Variants in HSPG2 observed in about 807,000 individuals in gnomAD.
HSPG2 encodes basement membrane-specific heparan sulfate proteoglycan core protein.
Under a neutral mutation model 526.6 loss-of-function variants are expected in HSPG2, and 278 were observed. That is an observed-to-expected ratio of 0.53 (90% CI 0.48 to 0.58). HSPG2 has a LOEUF of 0.58. HSPG2 is among the 20% of genes least tolerant of loss of function. The probability of loss-of-function intolerance (pLI) is 0.00; values close to 1 mark genes in which losing one functional copy is unlikely to be tolerated. For synonymous variants in HSPG2, 2,465 were observed against 2,555.4 expected (o/e 0.96, Z 1.07); for missense variants, 5,354 against 6,099.5 (o/e 0.88, Z 4.07).
In HSPG2 at chr1:21,843,379, C is replaced by T. The variant is rs556035566; in HGVS notation, c.8676G>A (p.Ser2892=). 1.1e-5 allele frequency: 18 copies of T among 1,613,998 alleles called. No individual in the cohort carries two copies. Among genetic ancestry groups the T allele is most frequent in the African/African-American group, 9.3e-5 (7 of 75,044 alleles). ...QVSPADSGEY[S]CQVTGSSGTL... Reference sequence around the variant, plus strand: ...TGCCTGAGCTTCCGGTCACTTGGCACGAGTACTCGCCAGAGTCAGCCGGGG... The same window carrying T: ...TGCCTGAGCTTCCGGTCACTTGGCATGAGTACTCGCCAGAGTCAGCCGGGG... Residue 2892 remains serine, a synonymous_variant, in exon 66 of 97, where the codon TCG becomes TCA. Coordinates refer to ENST00000374695, the MANE Select transcript of HSPG2 (RefSeq NM_005529.7).
At chr1:21,932,852 T>C (rs1265075059) in intron 1 of HSPG2, among the ~76,000 whole-genome samples, 1 of 150,684 alleles carries the variant, frequency 6.6e-6, no homozygotes, top group Admixed American at 6.6e-5. Context: ...ATAGCTTGAG[T>C]TAAAGAGTTT....
At chr1:21,911,661 G>A (rs1175342850) in intron 1 of HSPG2, among the ~76,000 whole-genome samples, 1 of 152,296 alleles carries the variant, frequency 6.6e-6, no homozygotes, top group South Asian at 2.1e-4. Context: ...CCTGCTCCAG[G>A]GCCCCCGTGG....
rs1640144051 is a variant in HSPG2 at position 21,865,366 on chromosome 1, C to T, written c.4315-1G>A. On this transcript the variant is annotated splice_acceptor_variant, in intron 34 of 96. Coordinates refer to ENST00000374695, the MANE Select transcript of HSPG2 (RefSeq NM_005529.7). LOFTEE classifies it high-confidence loss of function. The surrounding 1 kb of genome is among the most constrained non-coding windows in gnomAD (Gnocchi z 5.4). Reference sequence around the variant, plus strand: ...AGGCCACTAGCATGATGTTGTTGCCCTGGAAAGACACCAGCAGGATTGGAA... The same window carrying T: ...AGGCCACTAGCATGATGTTGTTGCCTTGGAAAGACACCAGCAGGATTGGAA... 1 of 1,613,896 alleles carries T rather than the reference C, an allele frequency of 6.2e-7. No homozygotes were observed. The highest frequency in any genetic ancestry group is 1.1e-5 in the South Asian group (1 of 91,092).
chr1:21,881,720 A>C (rs1488805331), intron 13 of HSPG2, among the ~76,000 whole-genome samples: 4 of 152,126 alleles, frequency 2.6e-5, no homozygotes, highest in Non-Finnish European at 1.5e-5. Context: ...AGGCGGGCAG[A>C]TCACTTGAGG....
chr1:21,923,821 G>A (rs543388363), intron 1 of HSPG2, among the ~76,000 whole-genome samples: 1 of 152,214 alleles, frequency 6.6e-6, no homozygotes, highest in East Asian at 1.9e-4. Flanking sequence ...ACAAGGCCTC[G>A]CATACCGCTG....
chr1:21,854,385 G>C, intron 49 of HSPG2, 42 bp from the exon 50 acceptor site: 1 of 1,552,082 alleles, frequency 6.4e-7, no homozygotes, highest in South Asian at 1.2e-5. Flanking sequence ...ACAGGGACGG[G>C]GGCTATTGTC....
chr1:21,835,445 G>A (rs2098022613), intron 76 of HSPG2, 95 bp downstream of exon 76: 1 of 819,538 alleles, frequency 1.2e-6, no homozygotes, highest in Non-Finnish European at 2.1e-6. Context: ...CACATTTAGG[G>A]GGATTCCTAG....
At chr1:21,917,181 T>TGTCTC (rs1188917678) in intron 1 of HSPG2, among the ~76,000 whole-genome samples, 1 of 151,994 alleles carries the variant, frequency 6.6e-6, no homozygotes, top group Non-Finnish European at 1.5e-5. Context: ...CCTGTAATCC[T>TGTCTC]AGCTCTTCGG....
At chr1:21,920,440 C>T (rs971125620) in intron 1 of HSPG2, among the ~76,000 whole-genome samples, 1 of 152,240 alleles carries the variant, frequency 6.6e-6, no homozygotes. Flanking sequence ...CTTGCTGGGT[C>T]AGCCAGGCCT....
Position 21,850,179 on chromosome 1 carries a change from G to C in HSPG2, c.7308C>G (p.Thr2436=). The C allele has an allele frequency of 1.9e-6, 3 of 1,613,398 alleles. No individual in the cohort carries two copies. Among genetic ancestry groups the C allele is most frequent in the Non-Finnish European group, 2.5e-6 (3 of 1,180,046 alleles). ...PAGSVPALGV[T]PTVRIESSSS... Reference sequence around the variant, plus strand: ...ACGATGACTCGATCCGGACCGTGGGGGTGACCCCAAGTGCTGGGGACAGAG... The same window carrying C: ...ACGATGACTCGATCCGGACCGTGGGCGTGACCCCAAGTGCTGGGGACAGAG... The change falls in exon 57 of 97, where the codon ACC becomes ACG. Residue 2436 remains threonine, a synonymous_variant. Coordinates refer to ENST00000374695, the MANE Select transcript of HSPG2 (RefSeq NM_005529.7).
At chr1:21,856,869 T>C in intron 44 of HSPG2, 146 bp downstream of exon 44, 1 of 845,018 alleles carries the variant, frequency 1.2e-6, no homozygotes. Context: ...CATGCTTCTC[T>C]CCCCTGCTTC....
At chr1:21,873,735 G>C (rs1640833157) in intron 29 of HSPG2, among the ~76,000 whole-genome samples, 190 bp downstream of exon 29, 1 of 152,198 alleles carries the variant, frequency 6.6e-6, no homozygotes, top group South Asian at 2.1e-4. Context: ...ATGTGTGTCT[G>C]AGGGTCTTGA....
chr1:21,861,665 AGAGACTTTTCT>A (rs1639798152), intron 39 of HSPG2, 81 bp downstream of exon 39: 1 of 1,181,608 alleles, frequency 8.5e-7, no homozygotes, highest in Admixed American at 1.9e-5. Context: ...TAATCCTAGA[AGAGACTTTTCT>A]GAGCAACACC....
intron 24 of HSPG2, 24 bp downstream of exon 24, chr1:21,875,839 C>A (rs763044195): frequency 6.3e-6 from 10 of 1,596,942 alleles, no homozygotes; most frequent in Non-Finnish European, 8.5e-6. Flanking sequence ...CGCACCCCTA[C>A]CCCCAGGGGA....
At chr1:21,925,516 A>T (rs1052743612) in intron 1 of HSPG2, among the ~76,000 whole-genome samples, 6 of 152,192 alleles carry the variant, frequency 3.9e-5, no homozygotes, top group Non-Finnish European at 8.8e-5. Context: ...TTGGGACCTG[A>T]CTGAGAAGAA....
At chr1:21,874,809 G>A (rs1409444809) in intron 26 of HSPG2, 80 bp from the exon 27 acceptor site, 5 of 1,501,032 alleles carry the variant, frequency 3.3e-6, no homozygotes, top group African/African-American at 1.4e-5. Context: ...CCAGGGCTGG[G>A]GAGGTGTGGA....
rs1642053182 is a variant in HSPG2 at position 21,887,896 on chromosome 1, C to G, written c.703+42G>C. 3.1e-6 allele frequency: 5 copies of G among 1,613,374 alleles called. No individual in the cohort carries two copies. Among genetic ancestry groups the G allele is most frequent in the Non-Finnish European group, 4.2e-6 (5 of 1,179,822 alleles). On this transcript the variant is annotated intron_variant, in intron 7 of 96. Transcript: ENST00000374695. The surrounding 1 kb of genome is among the most constrained non-coding windows in gnomAD (Gnocchi z 5.0). The stretch of plus-strand genomic sequence containing the variant: ...ACCCAGGTGTAGGACCCTGGCCCTC[C>G]CCTGGCACCCAAACCACTCGTGGCC...
At chr1:21,882,970 C>T (rs1487217779) in intron 13 of HSPG2, among the ~76,000 whole-genome samples, 3 of 152,188 alleles carry the variant, frequency 2.0e-5, no homozygotes, top group Admixed American at 2.0e-4. Flanking sequence ...CCCTGCCTTC[C>T]GGGGATGTCT....
Position 21,850,381 on chromosome 1 carries a change from G to T in HSPG2, c.7276C>A (p.Pro2426Thr). ...TACTCACCAGGCACTGAGCCCGCAGGCTCAATGGTGACCAGGACAGAGGCC... is the reference window on the plus strand; with the variant it reads ...TACTCACCAGGCACTGAGCCCGCAGTCTCAATGGTGACCAGGACAGAGGCC... The part of the protein sequence containing the change: ...LEASVLVTIE[P>T]AGSVPALGVT... Residue 2426 changes from proline (P) to threonine (T), a missense_variant, in exon 56 of 97, where the codon CCT becomes ACT. By Grantham distance (38) the Pro-to-Thr change is conservative (BLOSUM62 -1). Coordinates refer to ENST00000374695, the MANE Select transcript of HSPG2 (RefSeq NM_005529.7). The T allele has an allele frequency of 6.2e-7, 1 of 1,609,398 alleles. No homozygotes were observed. The highest frequency in any genetic ancestry group is 1.3e-5 in the African/African-American group (1 of 74,964).
Sources: gnomAD v4.1 joint callset for allele counts (sites outside exome capture counted in the v4.1 genomes callset) on GRCh38, gnomAD v4.1.1 for gene constraint, Gnocchi (gnomAD v3.1) non-coding constraint, MANE v1.5 for transcripts, NCBI Gene and HGNC (gene_info 2026-07-23, HGNC 2026-07-21) for gene names.